The following BCKDHB variants were observed in gnomAD, a reference collection of about 807,000 sequenced individuals.
BCKDHB encodes 2-oxoisovalerate dehydrogenase subunit beta, mitochondrial.
BCKDHB carries 41 observed loss-of-function variants against 48.5 expected under a neutral mutation model. That is an observed-to-expected ratio of 0.85 (90% CI 0.66 to 1.10). The LOEUF (loss-of-function observed/expected upper bound fraction) is 1.10, where lower values mean the gene tolerates loss of function less well. Ranked by LOEUF, BCKDHB falls within the 50% of genes least tolerant of loss-of-function variation. BCKDHB has a pLI of 0.00. For missense variants in BCKDHB, 496 were observed against 494.2 expected (o/e 1.00, Z -0.03); for synonymous variants, 201 against 174.8 (o/e 1.15, Z -1.18).
intron 8 of BCKDHB, among the ~76,000 whole-genome samples, chr6:80,248,779 G>GT (rs1314749398): frequency 6.6e-6 from 1 of 152,158 alleles, no homozygotes; most frequent in Non-Finnish European, 1.5e-5. Context: ...TATAAATACA[G>GT]TAATTGAAGC....
At chr6:80,442,621 G>A in the BCKDHB span, among the ~76,000 whole-genome samples, 1 of 152,126 alleles carries the variant, frequency 6.6e-6, no homozygotes, top group Non-Finnish European at 1.5e-5. Flanking sequence ...GGGCATTTGA[G>A]AGTGAGAGGA....
intron 9 of BCKDHB, among the ~76,000 whole-genome samples, chr6:80,319,504 T>G (rs1044243337): frequency 1.3e-5 from 2 of 152,148 alleles, no homozygotes; most frequent in African/African-American, 4.8e-5. Flanking sequence ...ATGAAACAAG[T>G]TTTTTAATTC....
intron 1 of BCKDHB, among the ~76,000 whole-genome samples, chr6:80,119,778 G>T (rs1186234771): frequency 6.6e-6 from 1 of 152,046 alleles, no homozygotes; most frequent in Non-Finnish European, 1.5e-5. Flanking sequence ...TAAATAATAA[G>T]ACTTGAAAGT....
Position 80,225,497 on chromosome 6 carries a change from A to C in BCKDHB, c.951+22285A>C, listed in dbSNP as rs187581453. 2.3e-3 allele frequency among the ~76,000 whole-genome samples: 357 copies of C among 152,290 alleles called. 1 individual carries two copies. The highest frequency in any genetic ancestry group is 3.4e-3 in the Non-Finnish European group (234 of 68,030). On this transcript the variant is annotated intron_variant, in intron 8 of 9. Coordinates refer to ENST00000320393, the MANE Select transcript of BCKDHB (RefSeq NM_183050.4). ...CACTATTATGAAATATCAACTATAA[A>C]ATATAGGGCATATTACAGTATATAA...
At chr6:80,295,855 C>T (rs75931718) in intron 9 of BCKDHB, among the ~76,000 whole-genome samples, 2,856 of 152,168 alleles carry the variant, frequency 0.019, 71 homozygotes, top group African/African-American at 0.062. Context: ...TACCTCCCAC[C>T]GGATCCCTCC....
In BCKDHB at chr6:80,169,015, T is replaced by C; in HGVS notation, c.618T>C (p.His206=). 1 of 1,614,122 alleles carries C rather than the reference T, an allele frequency of 6.2e-7. No homozygotes were observed. Among genetic ancestry groups the C allele is most frequent in the Non-Finnish European group, 8.5e-7 (1 of 1,179,968 alleles). The change falls in exon 5 of 10, where the codon CAT becomes CAC. Residue 206 remains histidine, a synonymous_variant. Transcript: ENST00000320393. ...HSQSPEAFFA[H]CPGIKVVIPR... Reference sequence around the variant, plus strand: ...AGAGTCCTGAAGCATTTTTTGCCCATTGCCCAGGAATCAAGGTATGTTCAT... The same window carrying C: ...AGAGTCCTGAAGCATTTTTTGCCCACTGCCCAGGAATCAAGGTATGTTCAT...
At chr6:80,325,640 T>C (rs1347408899) in intron 9 of BCKDHB, among the ~76,000 whole-genome samples, 1 of 152,222 alleles carries the variant, frequency 6.6e-6, no homozygotes, top group Non-Finnish European at 1.5e-5. Flanking sequence ...TCTTAAGAAA[T>C]GATTTGGTAT....
the BCKDHB span, among the ~76,000 whole-genome samples, chr6:80,416,799 T>C: frequency 1.5e-3 from 227 of 151,728 alleles, 1 homozygote; most frequent in Middle Eastern, 6.8e-3. Context: ...ATTATTATTA[T>C]ACTTTAAGTT....
rs193175660 is a variant in BCKDHB at position 80,326,747 on chromosome 6, G to A, written c.1039-16917G>A. ...TACTAAAAATACAAAAGTTAGCAGG[G>A]CATTGTGGCTTGTGTCTGTAATCCC... On this transcript the variant is annotated intron_variant, in intron 9 of 9. Coordinates refer to ENST00000320393, the MANE Select transcript of BCKDHB (RefSeq NM_183050.4). 3.9e-5 allele frequency among the ~76,000 whole-genome samples: 6 copies of A among 152,216 alleles called. No homozygotes were observed. In the East Asian group the frequency reaches 1.2e-3, roughly 29 times the overall value.
chr6:80,144,672 G>T (rs546800365), intron 3 of BCKDHB, among the ~76,000 whole-genome samples: 2 of 152,116 alleles, frequency 1.3e-5, no homozygotes, highest in South Asian at 2.1e-4. Flanking sequence ...CTTAATTCAC[G>T]CTCATTTCTA....
the BCKDHB span, among the ~76,000 whole-genome samples, chr6:80,358,707 C>G: frequency 6.6e-6 from 1 of 152,030 alleles, no homozygotes; most frequent in African/African-American, 2.4e-5. Flanking sequence ...TTGGTGATTT[C>G]CAGGGATCAT....
chr6:80,357,279 G>A, the BCKDHB span, among the ~76,000 whole-genome samples: 1 of 152,140 alleles, frequency 6.6e-6, no homozygotes, highest in African/African-American at 2.4e-5. Context: ...CTGGAACCTA[G>A]TGAGAGCTAC....
At chr6:80,277,283 C>T (rs906773588) in intron 9 of BCKDHB, among the ~76,000 whole-genome samples, 3 of 151,876 alleles carry the variant, frequency 2.0e-5, no homozygotes, top group African/African-American at 2.4e-5. Flanking sequence ...TATGCTTCAG[C>T]TTTATGTAAC....
the BCKDHB span, among the ~76,000 whole-genome samples, chr6:80,417,328 G>A: frequency 2.0e-5 from 3 of 151,950 alleles, no homozygotes; most frequent in African/African-American, 7.3e-5. Flanking sequence ...TTTTAATTGG[G>A]AAATTTAGCC....
At chr6:80,248,646 A>G (rs1483451420) in intron 8 of BCKDHB, among the ~76,000 whole-genome samples, 1 of 152,152 alleles carries the variant, frequency 6.6e-6, no homozygotes, top group Non-Finnish European at 1.5e-5. Flanking sequence ...GAGTTGGGGC[A>G]GAATGAGTGG....
the BCKDHB span, among the ~76,000 whole-genome samples, chr6:80,416,574 T>C: frequency 6.6e-6 from 1 of 151,992 alleles, no homozygotes; most frequent in Non-Finnish European, 1.5e-5. Flanking sequence ...TCAACTTCCA[T>C]GTCATTGTAT....
chr6:80,157,210 AAATT>A (rs1164100446), intron 3 of BCKDHB, among the ~76,000 whole-genome samples: 1 of 152,106 alleles, frequency 6.6e-6, no homozygotes, highest in Non-Finnish European at 1.5e-5. Context: ...GTCATTAAAA[AAATT>A]AATTTCTCTA....
At chr6:80,305,308 T>A (rs183894387) in intron 9 of BCKDHB, among the ~76,000 whole-genome samples, 152 of 152,234 alleles carry the variant, frequency 1.0e-3, no homozygotes, top group Non-Finnish European at 1.7e-3. Context: ...TAACATTTTT[T>A]AAAAAAGACT....
intron 3 of BCKDHB, among the ~76,000 whole-genome samples, chr6:80,164,789 A>G (rs922590968): frequency 6.6e-6 from 1 of 152,148 alleles, no homozygotes; most frequent in African/African-American, 2.4e-5. Context: ...GCAGTCACTC[A>G]TGTATTTTTT....
Sources: gnomAD v4.1 joint callset for allele counts (sites outside exome capture counted in the v4.1 genomes callset) on GRCh38, gnomAD v4.1.1 for gene constraint, MANE v1.5 for transcripts, NCBI Gene and HGNC (gene_info 2026-07-23, HGNC 2026-07-21) for gene names.